Variants in TRIM4 observed in about 807,000 individuals in gnomAD.
TRIM4 encodes tripartite motif containing 4.
Under a neutral mutation model 33.7 loss-of-function variants are expected in TRIM4, and 29 were observed. The observed-to-expected ratio is 0.86, with a 90% confidence interval of 0.64 to 1.17. The LOEUF (loss-of-function observed/expected upper bound fraction) is 1.17, where lower values mean the gene tolerates loss of function less well. TRIM4 is among the 50% of genes most tolerant of loss of function. TRIM4 has a pLI of 0.00. For synonymous variants in TRIM4, 224 were observed against 233.0 expected, an observed-to-expected ratio of 0.96 and a Z score of 0.35; for missense variants, 554 against 593.7, an observed-to-expected ratio of 0.93 and a Z score of 0.69.
intron 5 of TRIM4, among the ~76,000 whole-genome samples, chr7:99,898,673 G>A (rs1819081741): frequency 6.6e-6 from 1 of 152,326 alleles, no homozygotes; most frequent in African/African-American, 2.4e-5. Context: ...ACATATGGCT[G>A]CAGCCTTCAA....
Position 99,891,943 on chromosome 7 carries a change from G to T in TRIM4, c.*220C>A, listed in dbSNP as rs1007753751. ...AGCTACAAAAAGATTTCCCAAAAGCGTCTTGGAAAATTTCCTGTCCCATCT... is the reference window on the plus strand; with the variant it reads ...AGCTACAAAAAGATTTCCCAAAAGCTTCTTGGAAAATTTCCTGTCCCATCT... On this transcript the variant is annotated 3_prime_UTR_variant, in exon 6 of 6. Coordinates refer to ENST00000349062, the MANE Select transcript of TRIM4 (RefSeq NM_033091.3). The T allele has an allele frequency of 1.3e-5, 6 of 478,006 alleles. No individual in the cohort carries two copies. The highest frequency in any genetic ancestry group is 1.8e-5 in the Non-Finnish European group (5 of 273,606). 29.6% of individuals were successfully genotyped at this position (478,006 alleles called of 1,614,324 possible).
chr7:99,910,573 G>C (rs1349889180), intron 1 of TRIM4, among the ~76,000 whole-genome samples: 1 of 152,168 alleles, frequency 6.6e-6, no homozygotes, highest in African/African-American at 2.4e-5. Flanking sequence ...GCGCATACGT[G>C]TTTATCTATG....
intron 5 of TRIM4, among the ~76,000 whole-genome samples, chr7:99,898,747 A>G (rs1042507829): frequency 6.6e-6 from 1 of 152,326 alleles, no homozygotes; most frequent in African/African-American, 2.4e-5. Context: ...ATGGCCCTGG[A>G]TATCTTAACT....
At chr7:99,898,677 C>G (rs1369114370) in intron 5 of TRIM4, among the ~76,000 whole-genome samples, 1 of 152,168 alleles carries the variant, frequency 6.6e-6, no homozygotes, top group Non-Finnish European at 1.5e-5. Context: ...ATGGCTGCAG[C>G]CTTCAAGGAT....
intron 5 of TRIM4, among the ~76,000 whole-genome samples, chr7:99,896,020 G>C (rs1386596695): frequency 2.0e-5 from 3 of 151,396 alleles, no homozygotes; most frequent in Non-Finnish European, 4.4e-5. Context: ...TAGTTAATGT[G>C]ATTATTAGTA....
At chr7:99,895,916 G>A (rs554380213) in intron 5 of TRIM4, among the ~76,000 whole-genome samples, 1 of 149,964 alleles carries the variant, frequency 6.7e-6, no homozygotes, top group Admixed American at 6.6e-5. Context: ...CATATTTAAT[G>A]TGTTTCTTTT....
At chr7:99,894,536 G>A (rs960303909) in intron 5 of TRIM4, among the ~76,000 whole-genome samples, 13 of 152,038 alleles carry the variant, frequency 8.6e-5, no homozygotes, top group Non-Finnish European at 2.9e-5. Context: ...GCATGGTGGC[G>A]CGCACCTGCA....
In TRIM4 at chr7:99,901,879, C is replaced by A. The variant is rs1051735667; in HGVS notation, c.841+1339G>T. On this transcript the variant is annotated intron_variant, in intron 5 of 5. Transcript: ENST00000349062. Reference sequence around the variant, plus strand: ...AGATGGCGAGGGTTCTCTCTGTGTCCGGCTCTCTCCGCTCCAGGATACTGC... The same window carrying A: ...AGATGGCGAGGGTTCTCTCTGTGTCAGGCTCTCTCCGCTCCAGGATACTGC... The A allele has an allele frequency of 7.5e-6, 4 of 530,744 alleles. No homozygotes were observed. In the African/African-American group the frequency reaches 7.7e-5, roughly 10 times the overall value. The allele number at this position is 530,744 out of a possible 1,614,324, so 32.9% of individuals were successfully genotyped here. A position where few individuals can be genotyped will look rare whatever the true frequency, so the allele number is the denominator to read the frequency against.
intron 1 of TRIM4, 69 bp from the exon 2 acceptor site, chr7:99,909,729 G>GTTTTTTTTTTTTTTTT: frequency 1.4e-6 from 1 of 723,226 alleles, no homozygotes; most frequent in Non-Finnish European, 2.0e-6. Context: ...TTTTCTTTTT[G>GTTTTTTTTTTTTTTTT]TTTTTTTTTT....
chr7:99,908,523 A>C, intron 3 of TRIM4, 59 bp downstream of exon 3: 2 of 1,367,220 alleles, frequency 1.5e-6, no homozygotes, highest in Non-Finnish European at 2.0e-6. Context: ...TTCAGCTCTA[A>C]AGACAAGAGA....
intron 5 of TRIM4, among the ~76,000 whole-genome samples, chr7:99,902,491 C>A (rs187739383): frequency 1.3e-5 from 2 of 152,280 alleles, no homozygotes; most frequent in Non-Finnish European, 2.9e-5. Context: ...AAATGATCCG[C>A]CTGCCTCGAC....
chr7:99,905,554 G>A (rs1305321014), intron 3 of TRIM4, among the ~76,000 whole-genome samples: 2 of 152,122 alleles, frequency 1.3e-5, no homozygotes, highest in Non-Finnish European at 2.9e-5. Flanking sequence ...GACATTTTGG[G>A]CTGGATAAGT....
intron 5 of TRIM4, among the ~76,000 whole-genome samples, chr7:99,902,784 G>C (rs1429193249): frequency 6.7e-6 from 1 of 149,048 alleles, no homozygotes; most frequent in African/African-American, 2.4e-5. Flanking sequence ...GCTTCTGCTT[G>C]AAACAGTCAT....
At chr7:99,895,834 T>A (rs1409328614) in intron 5 of TRIM4, among the ~76,000 whole-genome samples, 1 of 152,220 alleles carries the variant, frequency 6.6e-6, no homozygotes, top group Non-Finnish European at 1.5e-5. Flanking sequence ...TCTACTTTGA[T>A]ACTAATATAC....
At chr7:99,903,535 C>T in intron 4 of TRIM4, 41 bp downstream of exon 4, 1 of 1,613,540 alleles carries the variant, frequency 6.2e-7, no homozygotes, top group Non-Finnish European at 8.5e-7. Flanking sequence ...TGTATCTTTA[C>T]CATGCCACCC....
Position 99,917,781 on chromosome 7 carries a change from A to T in TRIM4, c.393+1228T>A, listed in dbSNP as rs568666524. ...GTGTTCATGTACTTACTGCATATCA[A>T]TTCTGCTGGAGACCACTGGAGTTAC... On this transcript the variant is annotated intron_variant, in intron 1 of 5. Coordinates refer to ENST00000349062, the MANE Select transcript of TRIM4 (RefSeq NM_033091.3). The T allele has an allele frequency of 1.9e-5, 18 of 972,120 alleles. No individual in the cohort carries two copies. In the African/African-American group the frequency reaches 3.2e-4, roughly 17 times the overall value. The allele number at this position is 972,120 out of a possible 1,614,324, so 60.2% of individuals were successfully genotyped here.
At chr7:99,907,118 T>G (rs1436484275) in intron 3 of TRIM4, among the ~76,000 whole-genome samples, 1 of 152,178 alleles carries the variant, frequency 6.6e-6, no homozygotes, top group Non-Finnish European at 1.5e-5. Flanking sequence ...CTGTTTGTTT[T>G]GTTTTGTTTT....
intron 5 of TRIM4, among the ~76,000 whole-genome samples, chr7:99,894,805 T>C (rs1044906695): frequency 6.6e-6 from 1 of 152,208 alleles, no homozygotes; most frequent in Non-Finnish European, 1.5e-5. Context: ...CTTTTGTAAT[T>C]TGTGTCTTTT....
At chr7:99,915,791 C>T (rs1819544230) in intron 1 of TRIM4, among the ~76,000 whole-genome samples, 1 of 152,198 alleles carries the variant, frequency 6.6e-6, no homozygotes, top group Non-Finnish European at 1.5e-5. Context: ...CCCAGTGTAA[C>T]CCTTACCCAT....
Sources: allele counts gnomAD v4.1 joint callset (sites outside exome capture counted in the v4.1 genomes callset), GRCh38; gene constraint gnomAD v4.1.1; transcripts MANE v1.5; gene names NCBI Gene and HGNC (gene_info 2026-07-23, HGNC 2026-07-21).